CCDC136: variants seen among roughly 807,000 people sequenced by gnomAD.
CCDC136 encodes the protein coiled-coil domain containing 136.
In CCDC136, 100 loss-of-function variants were observed where a neutral mutation model predicts 141.2. The observed-to-expected ratio is 0.71, with a 90% CI of 0.60 to 0.84. CCDC136 has a LOEUF of 0.84. Among genes scored for constraint, CCDC136 ranks in the 40% least tolerant of loss-of-function variants. The pLI is 0.00. For synonymous variants in CCDC136, 474 were observed against 531.9 expected, an observed-to-expected ratio of 0.89 and a Z score of 1.50; for missense variants, 1,206 against 1,379.4, an observed-to-expected ratio of 0.87 and a Z score of 1.99.
At chr7:128,820,332 A>G (rs1807269026) in intron 17 of CCDC136, among the ~76,000 whole-genome samples, 1 of 152,260 alleles carries the variant, frequency 6.6e-6, no homozygotes, top group South Asian at 2.1e-4. Flanking sequence ...CTCAACGTCC[A>G]AAAACATGAT....
chr7:128,808,872 T>C (rs1303998179), intron 10 of CCDC136: 27 of 985,284 alleles, frequency 2.7e-5, no homozygotes, highest in Non-Finnish European at 3.3e-5. Context: ...TAAAACAGCA[T>C]TGAGATCTGT....
rs781340162 is a variant in CCDC136 at position 128,814,707 on chromosome 7, C to T, written c.2833C>T (p.Arg945Trp). Residue 945 changes from arginine to tryptophan, a missense_variant, in exon 15 of 18, where the codon CGG (arginine) becomes TGG (tryptophan). By Grantham distance (101) the Arg-to-Trp change is moderately radical (BLOSUM62 -3). Coordinates refer to ENST00000297788, the MANE Select transcript of CCDC136 (RefSeq NM_022742.5). Reference sequence around the variant, plus strand: ...CCAGGCTAGCATGGATGAGCAGGGGCGGCTTCTGGTAGTGCAGGAGCAGCT... The same window carrying T: ...CCAGGCTAGCATGGATGAGCAGGGGTGGCTTCTGGTAGTGCAGGAGCAGCT... ...QYQASMDEQG[R>W]LLVVQEQLEG... is the part of the protein sequence containing the mutation. 1.9e-5 allele frequency: 31 copies of T among 1,613,154 alleles called. No individual in the cohort carries two copies. Among genetic ancestry groups the T allele is most frequent in the African/African-American group, 1.6e-4 (12 of 74,890 alleles).
chr7:128,821,756 T>A lies in CCDC136; in HGVS notation c.*6-43T>A. The A allele has an allele frequency of 7.8e-7, 1 of 1,288,914 alleles. No homozygotes were observed. The highest frequency in any genetic ancestry group is 1.2e-5 in the South Asian group (1 of 81,000). 79.8% of individuals were successfully genotyped at this position (1,288,914 alleles called of 1,614,324 possible). A position where few individuals can be genotyped will look rare whatever the true frequency, so the allele number is the denominator to read the frequency against. ...AGGTGACTTCTGGCTTAGGGCAGGG[T>A]TCAGGAGGCTGGGCACTCACAGTTT... On this transcript the variant is annotated intron_variant, in intron 17 of 17. Transcript: ENST00000297788. This position sits in a 1 kb window ranked among gnomAD's most constrained non-coding sequence, Gnocchi z 5.1.
chr7:128,819,487 A>G (rs549303504), intron 17 of CCDC136, among the ~76,000 whole-genome samples: 3 of 152,336 alleles, frequency 2.0e-5, no homozygotes, highest in Non-Finnish European at 2.9e-5. Context: ...TTTTGTCAGG[A>G]CCAGATGGGT....
intron 3 of CCDC136, among the ~76,000 whole-genome samples, chr7:128,798,527 A>G (rs374303421): frequency 6.6e-6 from 1 of 151,938 alleles, no homozygotes; most frequent in Non-Finnish European, 1.5e-5. Flanking sequence ...GCTGGGATTA[A>G]AGGTGTGAGC....
At chr7:128,804,322 A>C (rs1055634479) in intron 4 of CCDC136, among the ~76,000 whole-genome samples, 1 of 152,258 alleles carries the variant, frequency 6.6e-6, no homozygotes, top group Non-Finnish European at 1.5e-5. Context: ...AAGTTTTTAC[A>C]TACAGTAAAA....
At chr7:128,804,793 G>A (rs747362184) in intron 5 of CCDC136, 32 bp downstream of exon 5, 2 of 1,391,752 alleles carry the variant, frequency 1.4e-6, no homozygotes, top group East Asian at 2.4e-5. Flanking sequence ...GAGAGGTCAT[G>A]GGGTTCCACA....
chr7:128,792,048 T>G lies in CCDC136; in HGVS notation c.-364T>G, dbSNP rs1378868469. ...CTTTCAGTCTTGGCCCTCTCCTCCC[T>G]GTCCCCCCGGACTAAATACGCACAC... On this transcript the variant is annotated 5_prime_UTR_variant, in exon 1 of 18. Transcript: ENST00000297788. 11 of 1,263,690 alleles carry G rather than the reference T, an allele frequency of 8.7e-6. No individual in the cohort carries two copies. In the African/African-American group the frequency reaches 1.1e-4, roughly 13 times the overall value. The allele number at this position is 1,263,690 out of a possible 1,614,324, so 78.3% of individuals were successfully genotyped here.
Position 128,818,432 on chromosome 7 carries a change from G to A in CCDC136, c.*5+568G>A, listed in dbSNP as rs568349100. 8.6e-4 allele frequency among the ~76,000 whole-genome samples: 131 copies of A among 152,332 alleles called. 1 individual carries two copies. The highest frequency in any genetic ancestry group is 3.1e-3 in the African/African-American group (127 of 41,580). ...AACCTAAGCTGGTCCATCAAGCTTG[G>A]TGAAATGGAACCGAACCCCTACTGT... On this transcript the variant is annotated intron_variant, in intron 17 of 17. Coordinates refer to ENST00000297788, the MANE Select transcript of CCDC136 (RefSeq NM_022742.5).
intron 11 of CCDC136, 107 bp downstream of exon 11, chr7:128,809,751 C>T (rs1045708598): frequency 2.3e-5 from 19 of 813,588 alleles, no homozygotes; most frequent in Admixed American, 3.1e-5. Context: ...TTTCTCTTAC[C>T]AACCACTCCT....
intron 13 of CCDC136, 27 bp downstream of exon 13, chr7:128,812,339 G>A: frequency 1.3e-6 from 2 of 1,598,042 alleles, no homozygotes; most frequent in Non-Finnish European, 1.7e-6. Flanking sequence ...GACAGGTCAG[G>A]CAGGGGACGA....
chr7:128,804,154 G>A (rs905897594), intron 4 of CCDC136, among the ~76,000 whole-genome samples: 3 of 152,170 alleles, frequency 2.0e-5, no homozygotes, highest in Admixed American at 1.3e-4. Flanking sequence ...TATTTGGTGT[G>A]GGAATAAAGA....
At chr7:128,820,994 C>T (rs147025236) in intron 17 of CCDC136, among the ~76,000 whole-genome samples, 216 of 152,274 alleles carry the variant, frequency 1.4e-3, no homozygotes, top group African/African-American at 5.1e-3. Context: ...CAAATTCTAC[C>T]TTTCAGTTAG....
rs200137911 is a variant in CCDC136 at position 128,805,450 on chromosome 7, C to T, written c.874C>T (p.Pro292Ser). ...SQTSEMDFLE[P>S]DPEMQLLRQQ... ...GACTTCAGAAATGGATTTCTTAGAG[C>T]CTGATCCTGAAATGCAGTTGTTACG... Residue 292 changes from proline to serine, a missense_variant, in exon 6 of 18, where the codon CCT becomes TCT. Transcript: ENST00000297788. The surrounding 1 kb of genome is among the most constrained non-coding windows in gnomAD (Gnocchi z 4.6). 6.0e-5 allele frequency: 97 copies of T among 1,613,900 alleles called. No homozygotes were observed. The African/African-American group carries it at 1.1e-3, about 18-fold the overall frequency.
chr7:128,812,311 A>G lies in CCDC136; in HGVS notation c.2540A>G (p.Glu847Gly). 1 of 1,609,880 alleles carries G rather than the reference A, an allele frequency of 6.2e-7. No individual in the cohort carries two copies. The highest frequency in any genetic ancestry group is 8.5e-7 in the Non-Finnish European group (1 of 1,178,146). ...DEEPAEPEDM[E>G]RFEEMVVKVL... is the part of the protein sequence containing the mutation. Reference sequence around the variant, plus strand: ...GAACCTGCTGAGCCTGAAGACATGGAGGTAATGGTTGCCAGGTGACAGGTC... The same window carrying G: ...GAACCTGCTGAGCCTGAAGACATGGGGGTAATGGTTGCCAGGTGACAGGTC... The change falls in exon 13 of 18, where the codon GAG becomes GGG. Residue 847 changes from glutamate (E) to glycine (G), a missense_variant and splice_region_variant. Glu to Gly is a moderately conservative substitution (Grantham distance 98, BLOSUM62 -2). Coordinates refer to ENST00000297788, the MANE Select transcript of CCDC136 (RefSeq NM_022742.5).
At position 128,794,134 on chromosome 7, in the gene CCDC136, G is replaced by A; in HGVS notation, c.17-214G>A. ...GGCTACCAAGTGCAACATTGGTCCA[G>A]GAAGGGCCTGGGAGGTGGAGGGGCT... On this transcript the variant is annotated intron_variant, in intron 1 of 17. Coordinates refer to ENST00000297788, the MANE Select transcript of CCDC136 (RefSeq NM_022742.5). The surrounding 1 kb of genome is among the most constrained non-coding windows in gnomAD (Gnocchi z 4.3). 4.6e-6 allele frequency: 3 copies of A among 655,540 alleles called. No individual in the cohort carries two copies. The highest frequency in any genetic ancestry group is 8.3e-6 in the Non-Finnish European group (3 of 363,572). The allele number at this position is 655,540 out of a possible 1,614,324, so 40.6% of individuals were successfully genotyped here. A position where few individuals can be genotyped will look rare whatever the true frequency, so the allele number is the denominator to read the frequency against.
At position 128,812,144 on chromosome 7, in the gene CCDC136, C is replaced by G. The variant is rs1320249482; in HGVS notation, c.2373C>G (p.Asp791Glu). Residue 791 changes from aspartate (D) to glutamate (E), a missense_variant, in exon 13 of 18, where the codon GAC (aspartate) becomes GAG (glutamate). Coordinates refer to ENST00000297788, the MANE Select transcript of CCDC136 (RefSeq NM_022742.5). ...GCAAGAGCTTTCTCAAGAGCTATGA[C>G]AGCAGCACCAGTGCCAGTGAGGCCT... ...TSSKSFLKSY[D>E]SSTSASEAYG... 6.2e-7 allele frequency: 1 copy of G among 1,614,040 alleles called. No homozygotes were observed. Among genetic ancestry groups the G allele is most frequent in the Non-Finnish European group, 8.5e-7 (1 of 1,179,896 alleles).
At chr7:128,808,314 G>A (rs1562922640) in intron 10 of CCDC136, among the ~76,000 whole-genome samples, 1 of 152,212 alleles carries the variant, frequency 6.6e-6, no homozygotes, top group Non-Finnish European at 1.5e-5. Context: ...TGGGATTACA[G>A]GCATGAGCCG....
chr7:128,811,416 G>C (rs1805690094), intron 12 of CCDC136: 1 of 458,808 alleles, frequency 2.2e-6, no homozygotes, highest in Non-Finnish European at 4.4e-6. Context: ...TTTAGAACTA[G>C]GGGTGGGCGA....
Sources: allele counts gnomAD v4.1 joint callset (sites outside exome capture counted in the v4.1 genomes callset), GRCh38; gene constraint gnomAD v4.1.1; non-coding constraint Gnocchi (gnomAD v3.1); transcripts MANE v1.5; gene names NCBI Gene and HGNC (gene_info 2026-07-23, HGNC 2026-07-21).